The following CDK2AP1 variants were observed in gnomAD, a reference collection of about 807,000 sequenced individuals.
CDK2AP1 encodes the protein cyclin dependent kinase 2 associated protein 1, also known as cyclin-dependent kinase 2-associated protein 1.
A neutral mutation model predicts 14.1 loss-of-function variants in CDK2AP1; 10 were observed. The observed-to-expected ratio is 0.71, with a 90% CI of 0.44 to 1.20. The LOEUF is 1.20. CDK2AP1 is among the 50% of genes most tolerant of loss of function. The pLI, the probability that CDK2AP1 is intolerant of heterozygous loss-of-function variation, is 0.00. For synonymous variants in CDK2AP1, 59 were observed against 59.8 expected (o/e 0.99, Z 0.06); for missense variants, 102 against 149.9 (o/e 0.68, Z 1.67).
At position 123,265,120 on chromosome 12, in the gene CDK2AP1, C is replaced by T. The variant is rs1356439399; in HGVS notation, c.280+76G>A. ...GCCTCATCCCTAGCCCACCTTCCCACATTTTCCCCAAAAGTCTTTCCAGAG... is the reference window on the plus strand; with the variant it reads ...GCCTCATCCCTAGCCCACCTTCCCATATTTTCCCCAAAAGTCTTTCCAGAG... On this transcript the variant is annotated intron_variant, in intron 3 of 3. Coordinates refer to ENST00000261692, the MANE Select transcript of CDK2AP1 (RefSeq NM_004642.4). The surrounding 1 kb of genome is among the most constrained non-coding windows in gnomAD (Gnocchi z 5.3). 5 of 1,591,150 alleles carry T rather than the reference C, an allele frequency of 3.1e-6. No homozygotes were observed. Among genetic ancestry groups the T allele is most frequent in the Non-Finnish European group, 4.3e-6 (5 of 1,164,324 alleles).
In CDK2AP1 at chr12:123,266,876, GC is replaced by G. The variant is rs1224654963; in HGVS notation, c.153+308del. ...CCAGCATCAAGGTCAGGCCTCACTTGCCCAAGAAAGAGGAGTGAGGAGGCCC... is the reference window on the plus strand; with the variant it reads ...CCAGCATCAAGGTCAGGCCTCACTTGCCAAGAAAGAGGAGTGAGGAGGCCC... On this transcript the variant is annotated intron_variant, in intron 2 of 3. Transcript: ENST00000261692. Among the ~76,000 whole-genome samples, 11 of 152,236 alleles carry G rather than the reference GC, an allele frequency of 7.2e-5. No homozygotes were observed. In the East Asian group the frequency reaches 2.1e-3, roughly 29 times the overall value.
chr12:123,265,642 G>C lies in CDK2AP1; in HGVS notation c.154-320C>G, dbSNP rs2048282945. ...GGGCAGCCACCTCAGCTGGGCCAAGGCACGTCCCATTCTAGGGGACAACTA... is the reference window on the plus strand; with the variant it reads ...GGGCAGCCACCTCAGCTGGGCCAAGCCACGTCCCATTCTAGGGGACAACTA... On this transcript the variant is annotated intron_variant, in intron 2 of 3. Coordinates refer to ENST00000261692, the MANE Select transcript of CDK2AP1 (RefSeq NM_004642.4). This position sits in a 1 kb window ranked among gnomAD's most constrained non-coding sequence, Gnocchi z 5.3. Among the ~76,000 whole-genome samples, 2 of 152,268 alleles carry C rather than the reference G, an allele frequency of 1.3e-5. No individual in the cohort carries two copies. The highest frequency in any genetic ancestry group is 2.1e-4 in the South Asian group (1 of 4,824).
chr12:123,266,533 C>T (rs1393539410), intron 2 of CDK2AP1, among the ~76,000 whole-genome samples: 1 of 152,240 alleles, frequency 6.6e-6, no homozygotes, highest in African/African-American at 2.4e-5. Context: ...TTCCCCGGGG[C>T]GGCTCATCCC....
At chr12:123,270,486 C>A (rs117661481) in intron 1 of CDK2AP1, among the ~76,000 whole-genome samples, 4,307 of 152,238 alleles carry the variant, frequency 0.028, 91 homozygotes, top group Non-Finnish European at 0.044. Context: ...CCACTCCTCT[C>A]CCCGTCGAGT....
intron 3 of CDK2AP1, among the ~76,000 whole-genome samples, chr12:123,264,462 C>CAAAAAAAAAAAAAAAAAAAAAAAAAAAA (rs1167157405): frequency 2.9e-5 from 2 of 69,860 alleles, no homozygotes; most frequent in Non-Finnish European, 4.8e-5. Flanking sequence ...CTCCGTCTCC[C>CAAAAAAAAAAAAAAAAAAAAAAAAAAAA]AAAAAAAAAA....
Position 123,265,391 on chromosome 12 carries a change from T to C in CDK2AP1, c.154-69A>G. On this transcript the variant is annotated intron_variant, in intron 2 of 3. Coordinates refer to ENST00000261692, the MANE Select transcript of CDK2AP1 (RefSeq NM_004642.4). This position sits in a 1 kb window ranked among gnomAD's most constrained non-coding sequence, Gnocchi z 5.3. ...GGTGGTGCGTGCCTGTAGTCCCAGTTACTCAGGAGGCTGAGGCAGGAGAAC... is the reference window on the plus strand; with the variant it reads ...GGTGGTGCGTGCCTGTAGTCCCAGTCACTCAGGAGGCTGAGGCAGGAGAAC... 6.6e-7 allele frequency: 1 copy of C among 1,515,246 alleles called. No homozygotes were observed. The highest frequency in any genetic ancestry group is 1.7e-5 in the Admixed American group (1 of 59,492). The allele number at this position is 1,515,246 out of a possible 1,614,324, so 93.9% of individuals were successfully genotyped here.
chr12:123,271,540 G>A (rs1396412691), intron 1 of CDK2AP1, 24 bp downstream of exon 1: 20 of 996,464 alleles, frequency 2.0e-5, no homozygotes, highest in Non-Finnish European at 2.4e-5. Context: ...GGCGCTTGGG[G>A]CGCGTCGCAC....
intron 1 of CDK2AP1, among the ~76,000 whole-genome samples, chr12:123,270,569 A>G (rs1216485582): frequency 6.6e-6 from 1 of 152,100 alleles, no homozygotes; most frequent in African/African-American, 2.4e-5. Flanking sequence ...TCAGAGAAGA[A>G]GGGCCCCAGT....
intron 1 of CDK2AP1, chr12:123,270,977 G>C: frequency 1.0e-6 from 1 of 984,624 alleles, no homozygotes; most frequent in Non-Finnish European, 1.2e-6. Flanking sequence ...GCTGCCCGCC[G>C]GCGACCCCAT....
chr12:123,264,462 C>CAAAGAAAA (rs2048267225), intron 3 of CDK2AP1, among the ~76,000 whole-genome samples: 1 of 69,888 alleles, frequency 1.4e-5, no homozygotes, highest in Non-Finnish European at 2.4e-5. Context: ...CTCCGTCTCC[C>CAAAGAAAA]AAAAAAAAAA....
At chr12:123,267,824 TAG>T (rs999866699) in intron 1 of CDK2AP1, 1 of 156,118 alleles carries the variant, frequency 6.4e-6, no homozygotes, top group Non-Finnish European at 1.4e-5. Flanking sequence ...ATCAGAAATC[TAG>T]AGAACACCAT....
intron 3 of CDK2AP1, among the ~76,000 whole-genome samples, chr12:123,264,177 G>A (rs2048262976): frequency 6.6e-6 from 1 of 151,752 alleles, no homozygotes; most frequent in Non-Finnish European, 1.5e-5. Context: ...CCAAGTCCCA[G>A]GCCGGGCGTG....
intron 1 of CDK2AP1, 91 bp downstream of exon 1, chr12:123,271,473 C>T: frequency 7.3e-6 from 5 of 687,360 alleles, no homozygotes; most frequent in Non-Finnish European, 9.0e-6. Context: ...CCCCGGCCTC[C>T]GCGGGCGCCC....
chr12:123,263,235 A>C lies in CDK2AP1; in HGVS notation c.281-1432T>G, dbSNP rs543837079. 4.9e-3 allele frequency among the ~76,000 whole-genome samples: 749 copies of C among 151,336 alleles called. 13 individuals are homozygous for C. The highest frequency in any genetic ancestry group is 6.4e-3 in the Non-Finnish European group (437 of 67,788). Reference sequence around the variant, plus strand: ...CAAAAAAAAAAAAAAAACAAAAAAAAACCACTATTCTTGGCTCCTGGCTCT... The same window carrying C: ...CAAAAAAAAAAAAAAAACAAAAAAACACCACTATTCTTGGCTCCTGGCTCT... On this transcript the variant is annotated intron_variant, in intron 3 of 3. Transcript: ENST00000261692.
chr12:123,267,334 G>A, intron 1 of CDK2AP1, 52 bp from the exon 2 acceptor site: 2 of 1,128,044 alleles, frequency 1.8e-6, no homozygotes, highest in South Asian at 1.2e-5. Context: ...GTTGTACCAA[G>A]GCAAGGACTC....
Position 123,267,294 on chromosome 12 carries a change from GGA to G in CDK2AP1, c.56-14_56-13del, listed in dbSNP as rs764436935. ...GTGGACACTCCCAGCTGTGGGGTGG[GGA>G]GAGAGAGGCCAGGAGTCAGCTCAGC... On this transcript the variant is annotated splice_polypyrimidine_tract_variant and intron_variant, in intron 1 of 3. Transcript: ENST00000261692. 1.0e-5 allele frequency: 16 copies of G among 1,560,794 alleles called. No individual in the cohort carries two copies. Among genetic ancestry groups the G allele is most frequent in the African/African-American group, 2.7e-5 (2 of 73,786 alleles).
chr12:123,265,368 T>C lies in CDK2AP1; in HGVS notation c.154-46A>G, dbSNP rs1279083376. 1 of 1,606,374 alleles carries C rather than the reference T, an allele frequency of 6.2e-7. No homozygotes were observed. Among genetic ancestry groups the C allele is most frequent in the African/African-American group, 1.3e-5 (1 of 74,706 alleles). ...GTTCAGCAAAATCAGCCGGGCGTGG[T>C]GGTGCGTGCCTGTAGTCCCAGTTAC... On this transcript the variant is annotated intron_variant, in intron 2 of 3. Coordinates refer to ENST00000261692, the MANE Select transcript of CDK2AP1 (RefSeq NM_004642.4). This position sits in a 1 kb window ranked among gnomAD's most constrained non-coding sequence, Gnocchi z 5.3.
chr12:123,262,833 C>T (rs954999722), intron 3 of CDK2AP1, among the ~76,000 whole-genome samples: 2 of 152,180 alleles, frequency 1.3e-5, no homozygotes, highest in African/African-American at 2.4e-5. Context: ...CACCATCACA[C>T]CTGGACCCAC....
rs1316609356 is a variant in CDK2AP1 at position 123,265,102 on chromosome 12, C to A, written c.280+94G>T. 2.0e-6 allele frequency: 3 copies of A among 1,536,788 alleles called. No homozygotes were observed. The South Asian group carries it at 3.4e-5, about 18-fold the overall frequency. ...AGGAGCTCCCATGAGTGAGCCTCAT[C>A]CCTAGCCCACCTTCCCACATTTTCC... On this transcript the variant is annotated intron_variant, in intron 3 of 3. Transcript: ENST00000261692. The surrounding 1 kb of genome is among the most constrained non-coding windows in gnomAD (Gnocchi z 5.3).
Sources: allele counts gnomAD v4.1 joint callset (sites outside exome capture counted in the v4.1 genomes callset), GRCh38; gene constraint gnomAD v4.1.1; non-coding constraint Gnocchi (gnomAD v3.1); transcripts MANE v1.5; gene names NCBI Gene and HGNC (gene_info 2026-07-23, HGNC 2026-07-21).